Variants in CRADD observed in about 807,000 individuals in gnomAD.
CRADD encodes the protein CARD and death domain containing adaptor protein.
In CRADD, 9 loss-of-function variants were observed where a neutral mutation model predicts 15.5. That is an observed-to-expected ratio of 0.58 (90% CI 0.35 to 1.01). CRADD has a LOEUF of 1.01. CRADD is among the 50% of genes least tolerant of loss of function. The pLI, the probability that CRADD is intolerant of heterozygous loss-of-function variation, is 0.02. For missense variants in CRADD, 227 were observed against 250.3 expected (o/e 0.91, Z 0.63); for synonymous variants, 118 against 107.6 (o/e 1.10, Z -0.60).
intron 2 of CRADD, among the ~76,000 whole-genome samples, chr12:93,684,359 C>T (rs971374239): frequency 6.6e-6 from 1 of 152,150 alleles, no homozygotes; most frequent in Non-Finnish European, 1.5e-5. Flanking sequence ...AGTGCGCGAC[C>T]TCGATCTCTG....
intron 2 of CRADD, among the ~76,000 whole-genome samples, chr12:93,776,087 G>A (rs968547971): frequency 6.6e-6 from 1 of 152,208 alleles, no homozygotes; most frequent in East Asian, 1.9e-4. Flanking sequence ...TTATCTGAGA[G>A]AACCCATTTA....
chr12:93,695,422 C>T lies in CRADD; in HGVS notation c.298+16350C>T, dbSNP rs533520606. ...GGCAATGGATTTTTTGGATATGACC[C>T]CAAAAGCACAAGCAACAAATACAAT... On this transcript the variant is annotated intron_variant, in intron 2 of 2. Coordinates refer to ENST00000332896, the MANE Select transcript of CRADD (RefSeq NM_003805.5). Among the ~76,000 whole-genome samples, 11 of 152,146 alleles carry T rather than the reference C, an allele frequency of 7.2e-5. No individual in the cohort carries two copies. The South Asian group carries it at 2.1e-3, about 29-fold the overall frequency.
Position 93,678,835 on chromosome 12 carries a change from T to TTGG in CRADD, c.65_67dup (p.Val22dup). On this transcript the variant is annotated inframe_insertion, in exon 2 of 3. Transcript: ENST00000332896. Reference sequence around the variant, plus strand: ...TCGCCTGGAGCTGGGTGCAGAGGTATTGGTGGAGGGACTGGTTCTTCAGTA... The same window carrying TTGG: ...TCGCCTGGAGCTGGGTGCAGAGGTATTGGTGGTGGAGGGACTGGTTCTTCAGTA... The TTGG allele has an allele frequency of 1.9e-6, 3 of 1,614,172 alleles. No individual in the cohort carries two copies. The highest frequency in any genetic ancestry group is 2.5e-6 in the Non-Finnish European group (3 of 1,180,020).
chr12:93,832,154 T>C (rs2137030837), intron 2 of CRADD, among the ~76,000 whole-genome samples: 1 of 152,340 alleles, frequency 6.6e-6, no homozygotes, highest in Non-Finnish European at 1.5e-5. Context: ...TCTTAATATG[T>C]CAATCACCAT....
chr12:93,686,825 A>G (rs1164653351), intron 2 of CRADD, among the ~76,000 whole-genome samples: 1 of 152,166 alleles, frequency 6.6e-6, no homozygotes, highest in African/African-American at 2.4e-5. Context: ...CTGCTGCGCA[A>G]TCTTGGCTTC....
chr12:93,800,543 A>C (rs1248834671), intron 2 of CRADD, among the ~76,000 whole-genome samples: 1 of 152,112 alleles, frequency 6.6e-6, no homozygotes, highest in Non-Finnish European at 1.5e-5. Flanking sequence ...GTGAGTTCTC[A>C]CAAGATCTGA....
chr12:93,719,945 T>G (rs536638818), intron 2 of CRADD, among the ~76,000 whole-genome samples: 2 of 152,136 alleles, frequency 1.3e-5, no homozygotes, highest in Non-Finnish European at 2.9e-5. Context: ...ATTTCTGCTC[T>G]AATTTTTATA....
Position 93,844,725 on chromosome 12 carries a change from A to G in CRADD, c.299-5245A>G, listed in dbSNP as rs571142678. The stretch of plus-strand genomic sequence containing the variant: ...CCAACACCCAACCAACAGAACGAAA[A>G]TGCAGTTAGAAACAAAATCAAACCC... On this transcript the variant is annotated intron_variant, in intron 2 of 2. Coordinates refer to ENST00000332896, the MANE Select transcript of CRADD (RefSeq NM_003805.5). 2.6e-5 allele frequency among the ~76,000 whole-genome samples: 4 copies of G among 152,324 alleles called. No individual in the cohort carries two copies. The South Asian group carries it at 8.3e-4, about 32-fold the overall frequency.
At chr12:93,742,761 G>T (rs1029469990) in intron 2 of CRADD, among the ~76,000 whole-genome samples, 2 of 152,082 alleles carry the variant, frequency 1.3e-5, no homozygotes, top group Non-Finnish European at 2.9e-5. Context: ...AAAATGAGCC[G>T]TCACAGGTTG....
chr12:93,834,763 C>T (rs933638356), intron 2 of CRADD, among the ~76,000 whole-genome samples: 1 of 152,242 alleles, frequency 6.6e-6, no homozygotes, highest in Non-Finnish European at 1.5e-5. Context: ...GCTGGGATTA[C>T]AGGCGTGAGC....
intron 2 of CRADD, among the ~76,000 whole-genome samples, chr12:93,696,514 A>G (rs2136825505): frequency 6.6e-6 from 1 of 152,370 alleles, no homozygotes; most frequent in East Asian, 1.9e-4. Flanking sequence ...TCTCACTTAT[A>G]TGTAGAATCT....
intron 2 of CRADD, among the ~76,000 whole-genome samples, chr12:93,823,303 A>C (rs893275213): frequency 3.9e-5 from 6 of 151,948 alleles, no homozygotes; most frequent in Non-Finnish European, 8.8e-5. Context: ...AAAAACAAAA[A>C]AAAAAAAAAA....
At chr12:93,842,384 C>G (rs574752321) in intron 2 of CRADD, among the ~76,000 whole-genome samples, 1 of 152,236 alleles carries the variant, frequency 6.6e-6, no homozygotes, top group Admixed American at 6.5e-5. Flanking sequence ...TTTTCTGGAA[C>G]AGATGAAGTC....
In CRADD at chr12:93,761,264, A is replaced by G. The variant is rs189778645; in HGVS notation, c.298+82192A>G. ...AAGAGAATGATAGACTCAGCTTTTC[A>G]TTCTTTAAAAGGTTGCTTTGAGGCT... On this transcript the variant is annotated intron_variant, in intron 2 of 2. Transcript: ENST00000332896. Among the ~76,000 whole-genome samples the G allele has an allele frequency of 1.2e-4, 18 of 152,326 alleles. 2 individuals are homozygous for G. The highest frequency in any genetic ancestry group is 1.0e-3 in the Admixed American group (16 of 15,306).
intron 2 of CRADD, among the ~76,000 whole-genome samples, chr12:93,695,131 A>G (rs896613562): frequency 3.3e-5 from 5 of 152,204 alleles, no homozygotes; most frequent in Admixed American, 1.3e-4. Flanking sequence ...ACATAGACCA[A>G]TGGAACAGAA....
rs538438933 is a variant in CRADD at position 93,750,298 on chromosome 12, G to A, written c.298+71226G>A. ...TTATTCACACTAGGAGAAATGACCC[G>A]GAACTTGGTAATAAGATGAAAGAAT... On this transcript the variant is annotated intron_variant, in intron 2 of 2. Coordinates refer to ENST00000332896, the MANE Select transcript of CRADD (RefSeq NM_003805.5). 4.4e-4 allele frequency among the ~76,000 whole-genome samples: 67 copies of A among 151,298 alleles called. No homozygotes were observed. In the Middle Eastern group the frequency reaches 0.014, roughly 31 times the overall value.
chr12:93,818,699 TG>T (rs1957736577), intron 2 of CRADD, among the ~76,000 whole-genome samples: 1 of 152,186 alleles, frequency 6.6e-6, no homozygotes, highest in South Asian at 2.1e-4. Flanking sequence ...CCCAGACCCC[TG>T]GCAGGGAGCA....
intron 2 of CRADD, among the ~76,000 whole-genome samples, chr12:93,703,081 C>T (rs1239126778): frequency 1.3e-5 from 2 of 152,154 alleles, no homozygotes; most frequent in Non-Finnish European, 2.9e-5. Context: ...GCTCCTAGAT[C>T]GCTGACTGCA....
intron 2 of CRADD, among the ~76,000 whole-genome samples, chr12:93,863,614 G>GTGTGTT (rs1958336775): frequency 6.9e-6 from 1 of 145,090 alleles, no homozygotes; most frequent in Non-Finnish European, 1.5e-5. Context: ...GTGTGTGTGT[G>GTGTGTT]TGTGTGTGTG....
Sources: allele counts gnomAD v4.1 joint callset (sites outside exome capture counted in the v4.1 genomes callset), GRCh38; gene constraint gnomAD v4.1.1; transcripts MANE v1.5; gene names NCBI Gene and HGNC (gene_info 2026-07-23, HGNC 2026-07-21).